HPS4: variants seen among roughly 807,000 people sequenced by gnomAD.
The protein encoded by HPS4 is HPS4 biogenesis of lysosomal organelles complex 3 subunit 2, also known as BLOC-3 complex member HPS4.
In HPS4, 44 loss-of-function variants were observed where a neutral mutation model predicts 70.3. The observed-to-expected ratio is 0.63, with a 90% CI of 0.49 to 0.80. HPS4 has a LOEUF of 0.80. Among genes scored for constraint, HPS4 ranks in the 30% least tolerant of loss-of-function variants. HPS4 has a pLI of 0.00. For missense variants in HPS4, 873 were observed against 884.4 expected (o/e 0.99, Z 0.16); for synonymous variants, 377 against 355.9 (o/e 1.06, Z -0.67).
At chr22:26,464,950 A>G (rs2088209083) in intron 10 of HPS4, 124 bp from the exon 11 acceptor site, 1 of 792,294 alleles carries the variant, frequency 1.3e-6, no homozygotes, top group African/African-American at 1.7e-5. Context: ...ACAGAGCCTA[A>G]GAGGCCACCA....
chr22:26,464,452 G>T lies in HPS4; in HGVS notation c.1178C>A (p.Pro393His). 2 of 1,614,210 alleles carry T rather than the reference G, an allele frequency of 1.2e-6. No homozygotes were observed. Among genetic ancestry groups the T allele is most frequent in the Non-Finnish European group, 1.7e-6 (2 of 1,180,040 alleles). ...ASGHFAFLHVPVPDGRAPYCK... is the reference protein window; with the variant it reads ...ASGHFAFLHVHVPDGRAPYCK... Reference sequence around the variant, plus strand: ...GTAAGGAGCCCTGCCATCTGGAACAGGCACATGTAGGAAGGCAAAATGACC... The same window carrying T: ...GTAAGGAGCCCTGCCATCTGGAACATGCACATGTAGGAAGGCAAAATGACC... The change falls in exon 11 of 14, where the codon CCT becomes CAT. Residue 393 changes from proline to histidine, a missense_variant. Transcript: ENST00000398145.
intron 13 of HPS4, 48 bp downstream of exon 13, chr22:26,457,811 G>A (rs770730164): frequency 7.0e-7 from 1 of 1,437,512 alleles, no homozygotes; most frequent in Admixed American, 1.7e-5. Flanking sequence ...TGGTTCCCAT[G>A]AGCAGGACCG....
At chr22:26,474,088 T>G (rs905019057) in intron 4 of HPS4, among the ~76,000 whole-genome samples, 1 of 152,208 alleles carries the variant, frequency 6.6e-6, no homozygotes, top group Non-Finnish European at 1.5e-5. Flanking sequence ...ACAAACTGAT[T>G]GTACAATGAA....
intron 2 of HPS4, chr22:26,479,705 G>C (rs935819371): frequency 4.6e-6 from 5 of 1,097,514 alleles, no homozygotes; most frequent in African/African-American, 1.7e-5. Context: ...TTAAGGCTCT[G>C]ATAACAAAAT....
At chr22:26,455,282 C>T (rs1263461734) in intron 13 of HPS4, among the ~76,000 whole-genome samples, 1 of 151,914 alleles carries the variant, frequency 6.6e-6, no homozygotes, top group African/African-American at 2.4e-5. Flanking sequence ...CACATGCACA[C>T]GTATGTTTAT....
At chr22:26,471,113 G>C (rs554935341) in intron 6 of HPS4, 1 of 475,254 alleles carries the variant, frequency 2.1e-6, no homozygotes, top group East Asian at 4.2e-5. Context: ...TGGCCTGGGA[G>C]ACCGACTGTC....
At chr22:26,475,304 C>G (rs1432118426) in intron 4 of HPS4, 2 of 150,814 alleles carry the variant, frequency 1.3e-5, no homozygotes, top group South Asian at 2.1e-4. Context: ...AGTGGCAAGA[C>G]AGACGCCTGT....
intron 6 of HPS4, chr22:26,471,501 G>C (rs2146779882): frequency 6.9e-6 from 3 of 434,654 alleles, no homozygotes; most frequent in Admixed American, 2.7e-5. Context: ...CCAGCTGTTA[G>C]AACTAGTGTT....
In HPS4 at chr22:26,479,289, G is replaced by C; in HGVS notation, c.108C>G (p.Gly36=). 1 of 1,614,148 alleles carries C rather than the reference G, an allele frequency of 6.2e-7. No homozygotes were observed. Among genetic ancestry groups the C allele is most frequent in the Non-Finnish European group, 8.5e-7 (1 of 1,180,022 alleles). ...CCTGGGAAGGATAAAAGTAACAAATGCCAGCTCTTGTTGGATCGCCTTCTT... is the reference window on the plus strand; with the variant it reads ...CCTGGGAAGGATAAAAGTAACAAATCCCAGCTCTTGTTGGATCGCCTTCTT... ...VKEEGDPTRA[G]ICYFYPSQTL... Residue 36 remains glycine (G), a synonymous_variant, in exon 3 of 14, where the codon GGC becomes GGG. Transcript: ENST00000398145.
intron 9 of HPS4, 196 bp downstream of exon 9, chr22:26,466,030 T>G (rs1306072256): frequency 6.6e-7 from 1 of 1,523,976 alleles, no homozygotes; most frequent in Non-Finnish European, 8.8e-7. Flanking sequence ...TTTGACAGCA[T>G]GCCTAAAATC....
Position 26,464,086 on chromosome 22 carries a change from C to G in HPS4, c.1544G>C (p.Cys515Ser), listed in dbSNP as rs1208471107. 1 of 1,614,282 alleles carries G rather than the reference C, an allele frequency of 6.2e-7. No homozygotes were observed. The highest frequency in any genetic ancestry group is 2.2e-5 in the East Asian group (1 of 44,888). Reference protein sequence around the residue: ...GLECSSGSANCQGAGPSADGI... With the variant: ...GLECSSGSANSQGAGPSADGI... ...ATCTGCAGAGGGGCCAGCACCCTGA[C>G]AGTTTGCTGAGCCTGAACTGCATTC... The change falls in exon 11 of 14, where the codon TGT becomes TCT. Residue 515 changes from cysteine to serine, a missense_variant. By Grantham distance (112) the Cys-to-Ser change is moderately radical (BLOSUM62 -1). Coordinates refer to ENST00000398145, the MANE Select transcript of HPS4 (RefSeq NM_022081.6).
chr22:26,468,427 G>C (rs2089129098), intron 8 of HPS4, 124 bp downstream of exon 8: 1 of 802,000 alleles, frequency 1.2e-6, no homozygotes, highest in Admixed American at 2.0e-5. Context: ...GAGGACTTGG[G>C]GTCCTGACAA....
intron 12 of HPS4, among the ~76,000 whole-genome samples, 178 bp from the exon 13 acceptor site, chr22:26,458,145 G>A (rs764206283): frequency 3.9e-5 from 6 of 152,268 alleles, no homozygotes; most frequent in Admixed American, 1.3e-4. Context: ...GTGCGATGCA[G>A]CACCCGGTTT....
At position 26,457,210 on chromosome 22, in the gene HPS4, C is replaced by CCTTTTTTTTTTT. The variant is rs386395106; in HGVS notation, c.1955+648_1955+649insAAAAAAAAAAAG. 1.2e-4 allele frequency among the ~76,000 whole-genome samples: 3 copies of CCTTTTTTTTTTT among 25,554 alleles called. 1 individual carries two copies. Among genetic ancestry groups the CCTTTTTTTTTTT allele is most frequent in the Non-Finnish European group, 1.3e-4 (1 of 7,608 alleles). The allele number at this position is 25,554 out of a possible 152,430, so 16.8% of individuals were successfully genotyped here. A position where few individuals can be genotyped will look rare whatever the true frequency, so the allele number is the denominator to read the frequency against. On this transcript the variant is annotated intron_variant, in intron 13 of 13. Transcript: ENST00000398145. ...ATGACTGTATGATCAGCACGTATTA[C>CCTTTTTTTTTTT]TTTTTTTTTTTTTTTTTTTTTTCTG...
rs1055619243 is a variant in HPS4 at position 26,477,257 on chromosome 22, G to C, written c.133-121C>G. The C allele has an allele frequency of 3.5e-5, 34 of 976,584 alleles. No homozygotes were observed. In the African/African-American group the frequency reaches 5.3e-4, roughly 15 times the overall value. 60.5% of individuals were successfully genotyped at this position (976,584 alleles called of 1,614,324 possible). A position where few individuals can be genotyped will look rare whatever the true frequency, so the allele number is the denominator to read the frequency against. ...TCTGTTACCCGTTTTCCTATGGCCTGTAAGCTAAGAATGGTTCTTATACTT... is the reference window on the plus strand; with the variant it reads ...TCTGTTACCCGTTTTCCTATGGCCTCTAAGCTAAGAATGGTTCTTATACTT... On this transcript the variant is annotated intron_variant, in intron 3 of 13. Coordinates refer to ENST00000398145, the MANE Select transcript of HPS4 (RefSeq NM_022081.6).
At position 26,478,019 on chromosome 22, in the gene HPS4, G is replaced by A. The variant is rs138219579; in HGVS notation, c.133-883C>T. On this transcript the variant is annotated intron_variant, in intron 3 of 13. Coordinates refer to ENST00000398145, the MANE Select transcript of HPS4 (RefSeq NM_022081.6). ...AAAGAAATGGAAGGATGGAAGTATG[G>A]GTGCATGGAAGGAAGGAAGAGCAGA... is the stretch of plus-strand genomic sequence containing the variant. Among the ~76,000 whole-genome samples the A allele has an allele frequency of 3.5e-3, 526 of 152,234 alleles. 3 individuals carry two copies. The highest frequency in any genetic ancestry group is 3.4e-3 in the Non-Finnish European group (229 of 68,006).
rs188925196 is a variant in HPS4, at chr22:26,454,459, T to C, written c.1956-1055A>G. ...CCTCATTGGTGTTTTTGTTTTGTTT[T>C]GTTTTAAAGAATGAGATTAAGTGAG... On this transcript the variant is annotated intron_variant, in intron 13 of 13. Coordinates refer to ENST00000398145, the MANE Select transcript of HPS4 (RefSeq NM_022081.6). 7.2e-5 allele frequency among the ~76,000 whole-genome samples: 11 copies of C among 152,372 alleles called. No homozygotes were observed. The East Asian group carries it at 2.1e-3, about 29-fold the overall frequency.
chr22:26,462,040 C>T (rs927260091), intron 11 of HPS4, among the ~76,000 whole-genome samples: 5 of 151,706 alleles, frequency 3.3e-5, no homozygotes, highest in Admixed American at 1.3e-4. Flanking sequence ...GTAGGAGAAC[C>T]GCTTGAACCG....
chr22:26,447,851 G>A (rs2085006085), downstream of HPS4, among the ~76,000 whole-genome samples: 1 of 152,120 alleles, frequency 6.6e-6, no homozygotes, highest in Non-Finnish European at 1.5e-5. Context: ...CTGGGTACCT[G>A]CCCTTCCCCA....
Sources: gnomAD v4.1 joint callset for allele counts (sites outside exome capture counted in the v4.1 genomes callset) on GRCh38, gnomAD v4.1.1 for gene constraint, MANE v1.5 for transcripts, NCBI Gene and HGNC (gene_info 2026-07-23, HGNC 2026-07-21) for gene names.